TSGA13: variants seen among roughly 807,000 people sequenced by gnomAD.
The protein encoded by TSGA13 is testis-specific gene 13 protein.
Under a neutral mutation model 35.1 loss-of-function variants are expected in TSGA13, and 37 were observed. That is an observed-to-expected ratio of 1.05 (90% CI 0.81 to 1.39). The LOEUF (loss-of-function observed/expected upper bound fraction) is 1.39. Among genes scored for constraint, TSGA13 ranks in the 40% most tolerant of loss-of-function variants. The pLI, the probability that TSGA13 is intolerant of heterozygous loss-of-function variation, is 0.00. For missense variants in TSGA13, 338 were observed against 328.5 expected (o/e 1.03, Z -0.22); for synonymous variants, 124 against 121.2 (o/e 1.02, Z -0.15).
chr7:130,679,216 G>A lies in TSGA13; in HGVS notation c.326C>T (p.Thr109Ile), dbSNP rs1356577820. ...TGATGCACTCTCCTTGTCTTGCTGG[G>A]TGATTGAGCAGGGAGGTGGGTTGTT... ...MTNNPPPCSI[T>I]QQDKESASKY... Residue 109 changes from threonine to isoleucine, a missense_variant, in exon 5 of 8, where the codon ACC becomes ATC. Coordinates refer to ENST00000356588, the MANE Select transcript of TSGA13 (RefSeq NM_052933.4). 2 of 1,614,158 alleles carry A rather than the reference G, an allele frequency of 1.2e-6. No homozygotes were observed. Among genetic ancestry groups the A allele is most frequent in the Admixed American group, 1.7e-5 (1 of 60,024 alleles).
chr7:130,679,761 C>A (rs1008209849), intron 4 of TSGA13, among the ~76,000 whole-genome samples: 3 of 152,076 alleles, frequency 2.0e-5, no homozygotes, highest in Non-Finnish European at 2.9e-5. Flanking sequence ...TGGGCTCAAG[C>A]GATGCACCCA....
chr7:130,676,258 A>G lies in TSGA13; in HGVS notation c.387+2897T>C, dbSNP rs558528764. ...GGCATTGTAGATATCACACGTTTCA[A>G]TCTTCTTGGGCTTGTTCCAGTCTGA... On this transcript the variant is annotated intron_variant, in intron 5 of 7. Transcript: ENST00000356588. 3.9e-5 allele frequency among the ~76,000 whole-genome samples: 6 copies of G among 152,330 alleles called. No homozygotes were observed. The South Asian group carries it at 1.0e-3, about 26-fold the overall frequency.
In TSGA13 at chr7:130,670,000, A is replaced by G. The variant is rs184649611; in HGVS notation, c.659-817T>C. On this transcript the variant is annotated intron_variant, in intron 7 of 7. Coordinates refer to ENST00000356588, the MANE Select transcript of TSGA13 (RefSeq NM_052933.4). The stretch of plus-strand genomic sequence containing the variant: ...TAGATAATAGGCCCAGAGGTTCTCA[A>G]GGTGGGTAATGCCCCGGAGACCTGC... 8.8e-4 allele frequency among the ~76,000 whole-genome samples: 134 copies of G among 152,182 alleles called. 1 individual carries two copies. Among genetic ancestry groups the G allele is most frequent in the African/African-American group, 3.1e-3 (128 of 41,506 alleles).
intron 3 of TSGA13, among the ~76,000 whole-genome samples, chr7:130,682,687 G>T (rs1457816190): frequency 4.6e-5 from 7 of 152,214 alleles, no homozygotes; most frequent in Non-Finnish European, 8.8e-5. Flanking sequence ...GAGGGAAGCA[G>T]TCAGAATGGG....
At chr7:130,682,212 C>A (rs1353451509) in intron 3 of TSGA13, among the ~76,000 whole-genome samples, 1 of 152,044 alleles carries the variant, frequency 6.6e-6, no homozygotes, top group Non-Finnish European at 1.5e-5. Flanking sequence ...CTCTGCCTCC[C>A]GGGTTCAAGC....
At chr7:130,675,660 G>A (rs1463306942) in intron 5 of TSGA13, among the ~76,000 whole-genome samples, 1 of 152,198 alleles carries the variant, frequency 6.6e-6, no homozygotes, top group African/African-American at 2.4e-5. Context: ...TGGGCTTACA[G>A]GCGTGAGCCA....
At position 130,668,854 on chromosome 7, in the gene TSGA13, T is replaced by C. The variant is rs2116285594; in HGVS notation, c.*160A>G. On this transcript the variant is annotated 3_prime_UTR_variant, in exon 8 of 8. Transcript: ENST00000356588. Reference sequence around the variant, plus strand: ...CCCCCGGGACGCAGCCACGCCCCCTTCTCCTCTTGCGGCCCGCCGGAGACT... The same window carrying C: ...CCCCCGGGACGCAGCCACGCCCCCTCCTCCTCTTGCGGCCCGCCGGAGACT... 2.2e-6 allele frequency: 3 copies of C among 1,337,632 alleles called. No individual in the cohort carries two copies. The highest frequency in any genetic ancestry group is 3.0e-6 in the Non-Finnish European group (3 of 988,084). 82.9% of individuals were successfully genotyped at this position (1,337,632 alleles called of 1,614,324 possible). A position where few individuals can be genotyped will look rare whatever the true frequency, so the allele number is the denominator to read the frequency against.
chr7:130,673,439 A>G (rs1289741125), intron 5 of TSGA13, among the ~76,000 whole-genome samples: 1 of 152,126 alleles, frequency 6.6e-6, no homozygotes, highest in Admixed American at 6.5e-5. Flanking sequence ...CTCACTATCA[A>G]GTGCTCAATC....
In TSGA13 at chr7:130,686,521, T is replaced by C. The variant is rs1176358509; in HGVS notation, c.-410A>G. ...ATGGGAACTTTCCATTTTGAAAATA[T>C]CGTAATTATTCTTTTCTGGATTCTG... On this transcript the variant is annotated 5_prime_UTR_variant, in exon 1 of 8. Transcript: ENST00000356588. 2.6e-5 allele frequency: 4 copies of C among 151,992 alleles called. No homozygotes were observed. Among genetic ancestry groups the C allele is most frequent in the African/African-American group, 4.8e-5 (2 of 41,358 alleles). The allele number at this position is 151,992 out of a possible 1,614,324, so 9.4% of individuals were successfully genotyped here.
intron 5 of TSGA13, among the ~76,000 whole-genome samples, chr7:130,677,800 A>T (rs1033716964): frequency 3.3e-5 from 5 of 151,996 alleles, no homozygotes; most frequent in African/African-American, 1.2e-4. Flanking sequence ...CTTTCCTCTG[A>T]TTTGATATTT....
At chr7:130,680,504 T>G (rs1247223558) in intron 4 of TSGA13, among the ~76,000 whole-genome samples, 2 of 107,672 alleles carry the variant, frequency 1.9e-5, no homozygotes, top group Non-Finnish European at 4.2e-5. Context: ...AGACTCCATC[T>G]CAGAAAAAAA....
chr7:130,668,717 C>G lies in TSGA13; in HGVS notation c.*297G>C. ...GACCCACCGCAACCGTCCCAGGCGC[C>G]GCAGCCGGCGAGCGGAAGAGGCTGC... On this transcript the variant is annotated 3_prime_UTR_variant, in exon 8 of 8. Coordinates refer to ENST00000356588, the MANE Select transcript of TSGA13 (RefSeq NM_052933.4). The G allele has an allele frequency of 1.3e-6, 2 of 1,506,134 alleles. No individual in the cohort carries two copies. Among genetic ancestry groups the G allele is most frequent in the Non-Finnish European group, 1.8e-6 (2 of 1,126,596 alleles). The allele number at this position is 1,506,134 out of a possible 1,614,324, so 93.3% of individuals were successfully genotyped here.
intron 5 of TSGA13, among the ~76,000 whole-genome samples, chr7:130,677,080 G>A (rs1224656831): frequency 1.3e-5 from 2 of 152,132 alleles, no homozygotes; most frequent in East Asian, 1.9e-4. Context: ...TTTTAGTAGA[G>A]ACGGGGTTTC....
At chr7:130,674,745 CT>C (rs1796370335) in intron 5 of TSGA13, among the ~76,000 whole-genome samples, 1 of 152,136 alleles carries the variant, frequency 6.6e-6, no homozygotes, top group Non-Finnish European at 1.5e-5. Flanking sequence ...ACATATTGAG[CT>C]TTTGCTATCA....
At chr7:130,671,515 G>T in intron 7 of TSGA13, 146 bp downstream of exon 7, 2 of 883,166 alleles carry the variant, frequency 2.3e-6, no homozygotes, top group Non-Finnish European at 3.1e-6. Context: ...GCCTCTATTT[G>T]TTGTTAACTT....
chr7:130,670,469 C>G (rs1415022262), intron 7 of TSGA13, among the ~76,000 whole-genome samples: 2 of 152,126 alleles, frequency 1.3e-5, no homozygotes, highest in African/African-American at 4.8e-5. Flanking sequence ...CTGGTGAAGT[C>G]TGAGGACCCA....
chr7:130,675,587 G>A (rs187154105), intron 5 of TSGA13, among the ~76,000 whole-genome samples: 154 of 152,300 alleles, frequency 1.0e-3, no homozygotes, highest in African/African-American at 3.5e-3. Flanking sequence ...GTTTCACCAC[G>A]TTAGCCAGGA....
Position 130,671,827 on chromosome 7 carries a change from C to T in TSGA13, c.531-39G>A, listed in dbSNP as rs782229383. ...GTTCTTTGTTTAGTAGATCCTAGGG[C>T]AGGGGGATTCATGGAACTATTCACT... On this transcript the variant is annotated intron_variant, in intron 6 of 7. Coordinates refer to ENST00000356588, the MANE Select transcript of TSGA13 (RefSeq NM_052933.4). The T allele has an allele frequency of 7.6e-6, 11 of 1,439,424 alleles. No individual in the cohort carries two copies. In the East Asian group the frequency reaches 2.9e-4, roughly 38 times the overall value. 89.2% of individuals were successfully genotyped at this position (1,439,424 alleles called of 1,614,324 possible). A position where few individuals can be genotyped will look rare whatever the true frequency, so the allele number is the denominator to read the frequency against.
At chr7:130,671,430 T>C (rs187003205) in intron 7 of TSGA13, among the ~76,000 whole-genome samples, 61 of 152,326 alleles carry the variant, frequency 4.0e-4, no homozygotes, top group South Asian at 3.3e-3. Flanking sequence ...CTGGGTGATA[T>C]AGCTTAGTAA....
Sources: gnomAD v4.1 joint callset for allele counts (sites outside exome capture counted in the v4.1 genomes callset) on GRCh38, gnomAD v4.1.1 for gene constraint, MANE v1.5 for transcripts, NCBI Gene and HGNC (gene_info 2026-07-23, HGNC 2026-07-21) for gene names.